KIRREL3: variants seen among roughly 807,000 people sequenced by gnomAD.
KIRREL3 encodes kirre like nephrin family adhesion molecule 3.
A neutral mutation model predicts 89.7 loss-of-function variants in KIRREL3; 36 were observed. That is an observed-to-expected ratio of 0.40 (90% CI 0.31 to 0.53). KIRREL3 has a LOEUF of 0.53. Among genes scored for constraint, KIRREL3 ranks in the 20% least tolerant of loss-of-function variants. KIRREL3 has a pLI of 0.49. For synonymous variants in KIRREL3, 445 were observed against 441.4 expected (o/e 1.01, Z -0.10); for missense variants, 864 against 1,056.6 (o/e 0.82, Z 2.53).
chr11:126,623,135 A>G lies in KIRREL3; in HGVS notation c.56-60223T>C, dbSNP rs1037867974. 2.6e-5 allele frequency among the ~76,000 whole-genome samples: 4 copies of G among 152,240 alleles called. No homozygotes were observed. On this transcript the variant is annotated intron_variant, in intron 1 of 16. Transcript: ENST00000525144. This position sits in a 1 kb window ranked among gnomAD's most constrained non-coding sequence, Gnocchi z 4.1. ...GGCTCCACTTTAGACATAAGAAAAC[A>G]GAAATAGGTCATCATTTGTCTAAGG... is the stretch of plus-strand genomic sequence containing the variant.
chr11:126,825,117 G>A (rs1943362280), intron 1 of KIRREL3, among the ~76,000 whole-genome samples: 1 of 152,144 alleles, frequency 6.6e-6, no homozygotes, highest in African/African-American at 2.4e-5. Context: ...TGATAAATAT[G>A]GGCTCCTGAC....
At chr11:126,827,264 G>C (rs1252071934) in intron 1 of KIRREL3, among the ~76,000 whole-genome samples, 1 of 151,516 alleles carries the variant, frequency 6.6e-6, no homozygotes, top group African/African-American at 2.4e-5. Flanking sequence ...TGCAATCTCT[G>C]CCTCCCATGT....
At position 126,628,241 on chromosome 11, in the gene KIRREL3, CA is replaced by C. The variant is rs1265916924; in HGVS notation, c.56-65330del. On this transcript the variant is annotated intron_variant, in intron 1 of 16. Coordinates refer to ENST00000525144, the MANE Select transcript of KIRREL3 (RefSeq NM_032531.4). This position sits in a 1 kb window ranked among gnomAD's most constrained non-coding sequence, Gnocchi z 5.2. ...TCATCAAGACCTGCTCACCACCCAC[CA>C]ATCCTGTCAGACTCTTTCTCTCCAG... 6.6e-6 allele frequency among the ~76,000 whole-genome samples: 1 copy of C among 152,158 alleles called. No homozygotes were observed. The highest frequency in any genetic ancestry group is 1.5e-5 in the Non-Finnish European group (1 of 68,030).
rs953228846 is a variant in KIRREL3 at position 126,601,451 on chromosome 11, A to G, written c.56-38539T>C. On this transcript the variant is annotated intron_variant, in intron 1 of 16. Coordinates refer to ENST00000525144, the MANE Select transcript of KIRREL3 (RefSeq NM_032531.4). The surrounding 1 kb of genome is among the most constrained non-coding windows in gnomAD (Gnocchi z 5.8). ...GAAGAAAAGCAATTTGTTTGCTCTCATACTCTAAAGATGAACTTCCCGTGC... is the reference window on the plus strand; with the variant it reads ...GAAGAAAAGCAATTTGTTTGCTCTCGTACTCTAAAGATGAACTTCCCGTGC... Among the ~76,000 whole-genome samples the G allele has an allele frequency of 4.6e-5, 7 of 152,230 alleles. No individual in the cohort carries two copies. The highest frequency in any genetic ancestry group is 3.3e-4 in the Admixed American group (5 of 15,280).
intron 1 of KIRREL3, among the ~76,000 whole-genome samples, chr11:126,926,281 T>C (rs1426075400): frequency 2.0e-5 from 3 of 152,192 alleles, no homozygotes; most frequent in Non-Finnish European, 4.4e-5. Flanking sequence ...TTCAGTTCCT[T>C]CTTCTGTAAG....
intron 1 of KIRREL3, among the ~76,000 whole-genome samples, chr11:126,882,289 A>G (rs1945534351): frequency 6.6e-6 from 1 of 152,198 alleles, no homozygotes; most frequent in Non-Finnish European, 1.5e-5. Context: ...TCTTTCCAGT[A>G]TGGGGCACAT....
rs80074311 is a variant in KIRREL3, at chr11:126,879,835, A to G, written c.55+120620T>C. On this transcript the variant is annotated intron_variant, in intron 1 of 16. Coordinates refer to ENST00000525144, the MANE Select transcript of KIRREL3 (RefSeq NM_032531.4). The surrounding 1 kb of genome is among the most constrained non-coding windows in gnomAD (Gnocchi z 5.4). ...GACCCTGAACCTTCTGTCTCCAGAGACAAACAACATCATGCCCCTCACTGA... is the reference window on the plus strand; with the variant it reads ...GACCCTGAACCTTCTGTCTCCAGAGGCAAACAACATCATGCCCCTCACTGA... Among the ~76,000 whole-genome samples the G allele has an allele frequency of 1.9e-3, 292 of 152,298 alleles. No individual in the cohort carries two copies. The highest frequency in any genetic ancestry group is 6.5e-3 in the African/African-American group (270 of 41,558).
intron 1 of KIRREL3, among the ~76,000 whole-genome samples, chr11:126,718,879 G>A (rs758673740): frequency 3.3e-5 from 5 of 152,104 alleles, no homozygotes; most frequent in Non-Finnish European, 5.9e-5. Context: ...AGGAAGCCAA[G>A]CCCTCCTCTC....
chr11:126,682,342 GCA>G lies in KIRREL3; in HGVS notation c.56-119432_56-119431del, dbSNP rs1370727412. 6.6e-6 allele frequency among the ~76,000 whole-genome samples: 1 copy of G among 152,104 alleles called. No homozygotes were observed. Among genetic ancestry groups the G allele is most frequent in the Non-Finnish European group, 1.5e-5 (1 of 68,012 alleles). The stretch of plus-strand genomic sequence containing the variant: ...GAGCATGTAACTTAACCTCTCTGAA[GCA>G]CAGTTTCCTCATCTGCAAAATGAGG... On this transcript the variant is annotated intron_variant, in intron 1 of 16. Transcript: ENST00000525144. This position sits in a 1 kb window ranked among gnomAD's most constrained non-coding sequence, Gnocchi z 4.8.
chr11:126,425,497 G>A (rs1424700999), intron 16 of KIRREL3, 141 bp downstream of exon 16: 1 of 714,194 alleles, frequency 1.4e-6, no homozygotes, highest in Non-Finnish European at 2.4e-6. Flanking sequence ...CTTAGGCAGG[G>A]ACGGGCACCT....
intron 4 of KIRREL3, among the ~76,000 whole-genome samples, chr11:126,503,194 G>A (rs908780864): frequency 5.9e-5 from 9 of 152,168 alleles, no homozygotes; most frequent in African/African-American, 2.2e-4. Flanking sequence ...TGAAAAGGGA[G>A]TGTTGCTGGC....
chr11:126,965,756 T>A lies in KIRREL3; in HGVS notation c.55+34699A>T, dbSNP rs2135195986. Among the ~76,000 whole-genome samples the A allele has an allele frequency of 6.6e-6, 1 of 152,340 alleles. No homozygotes were observed. The highest frequency in any genetic ancestry group is 2.1e-4 in the South Asian group (1 of 4,830). On this transcript the variant is annotated intron_variant, in intron 1 of 16. Transcript: ENST00000525144. This position sits in a 1 kb window ranked among gnomAD's most constrained non-coding sequence, Gnocchi z 4.4. ...TTCCCGTGTTTTACGTTGGCCTTGT[T>A]GTTTTTCTCTGGAGAGTTAACATCA...
intron 1 of KIRREL3, among the ~76,000 whole-genome samples, chr11:126,899,346 G>C (rs1452675896): frequency 2.6e-5 from 4 of 152,134 alleles, no homozygotes; most frequent in East Asian, 3.8e-4. Flanking sequence ...AAAGTCATTT[G>C]CACTTGTAAA....
intron 1 of KIRREL3, among the ~76,000 whole-genome samples, chr11:126,958,201 G>A (rs1253824351): frequency 6.6e-6 from 1 of 152,210 alleles, no homozygotes; most frequent in Non-Finnish European, 1.5e-5. Flanking sequence ...AAGGATGTCT[G>A]GGAGTGTGAC....
chr11:126,858,307 A>T (rs1944599021), intron 1 of KIRREL3, among the ~76,000 whole-genome samples: 1 of 152,230 alleles, frequency 6.6e-6, no homozygotes, highest in Admixed American at 6.5e-5. Context: ...GGACTTAAAC[A>T]GCAGACATTA....
intron 1 of KIRREL3, among the ~76,000 whole-genome samples, chr11:126,972,649 T>G (rs535743127): frequency 3.3e-5 from 5 of 152,322 alleles, no homozygotes; most frequent in Middle Eastern, 3.4e-3. Context: ...TCTTCTGACA[T>G]GCCCAATGTT....
In KIRREL3 at chr11:126,666,310, C is replaced by T. The variant is rs1945662080; in HGVS notation, c.56-103398G>A. ...TTACCTCCTGTCCAGGCACCCGTTC[C>T]TCTTTCTGCAGGGATAAGAGTGAGC... On this transcript the variant is annotated intron_variant, in intron 1 of 16. Coordinates refer to ENST00000525144, the MANE Select transcript of KIRREL3 (RefSeq NM_032531.4). This position sits in a 1 kb window ranked among gnomAD's most constrained non-coding sequence, Gnocchi z 4.2. Among the ~76,000 whole-genome samples the T allele has an allele frequency of 6.6e-6, 1 of 152,174 alleles. No individual in the cohort carries two copies. Among genetic ancestry groups the T allele is most frequent in the Non-Finnish European group, 1.5e-5 (1 of 68,034 alleles).
rs1946573026 is a variant in KIRREL3, at chr11:126,684,009, G to A, written c.56-121097C>T. Among the ~76,000 whole-genome samples, 1 of 152,202 alleles carries A rather than the reference G, an allele frequency of 6.6e-6. No individual in the cohort carries two copies. The highest frequency in any genetic ancestry group is 2.4e-5 in the African/African-American group (1 of 41,466). Reference sequence around the variant, plus strand: ...CCAGGGTTTGGCTCCGGGTTTTTGGGCAGCTCCGCCTTCATACCGAAGGCA... The same window carrying A: ...CCAGGGTTTGGCTCCGGGTTTTTGGACAGCTCCGCCTTCATACCGAAGGCA... On this transcript the variant is annotated intron_variant, in intron 1 of 16. Transcript: ENST00000525144. The surrounding 1 kb of genome is among the most constrained non-coding windows in gnomAD (Gnocchi z 4.2).
intron 1 of KIRREL3, among the ~76,000 whole-genome samples, chr11:126,952,015 G>A (rs999871830): frequency 2.0e-5 from 3 of 152,210 alleles, no homozygotes; most frequent in Non-Finnish European, 4.4e-5. Context: ...AAATAGATGT[G>A]TATTCATCAT....
Sources: gnomAD v4.1 joint callset for allele counts (sites outside exome capture counted in the v4.1 genomes callset) on GRCh38, gnomAD v4.1.1 for gene constraint, Gnocchi (gnomAD v3.1) non-coding constraint, MANE v1.5 for transcripts, NCBI Gene and HGNC (gene_info 2026-07-23, HGNC 2026-07-21) for gene names.